VPS13D: variants seen among roughly 807,000 people sequenced by gnomAD.
VPS13D encodes intermembrane lipid transfer protein VPS13D.
In VPS13D, 187 loss-of-function variants were observed where a neutral mutation model predicts 461.9. That is an observed-to-expected ratio of 0.40 (90% CI 0.36 to 0.46). VPS13D has a LOEUF of 0.46. Ranked by LOEUF, VPS13D falls within the 20% of genes least tolerant of loss-of-function variation. The pLI is 0.60. For missense variants in VPS13D, 4,711 were observed against 5,364.9 expected (o/e 0.88, Z 3.81); for synonymous variants, 1,951 against 1,986.3 (o/e 0.98, Z 0.47).
At chr1:12,449,647 C>CT (rs1645236370) in intron 65 of VPS13D, among the ~76,000 whole-genome samples, 1 of 152,164 alleles carries the variant, frequency 6.6e-6, no homozygotes, top group African/African-American at 2.4e-5. Flanking sequence ...GTGGTGAAGA[C>CT]TTTCGTTTTG....
chr1:12,452,532 T>G (rs1645275839), intron 65 of VPS13D, among the ~76,000 whole-genome samples: 1 of 152,186 alleles, frequency 6.6e-6, no homozygotes, highest in African/African-American at 2.4e-5. Context: ...GAGGGAGAAA[T>G]AATGGCTGGG....
chr1:12,478,479 G>T (rs528541958), intron 67 of VPS13D: 10 of 245,396 alleles, frequency 4.1e-5, no homozygotes, highest in East Asian at 9.2e-5. Flanking sequence ...CTCGAGTCTT[G>T]TACTGCCGCC....
intron 2 of VPS13D, among the ~76,000 whole-genome samples, chr1:12,240,582 C>G (rs867326539): frequency 9.1e-6 from 1 of 109,484 alleles, no homozygotes; most frequent in African/African-American, 3.8e-5. Flanking sequence ...GCGACAAAAG[C>G]GAGATTCCAT....
At position 12,338,253 on chromosome 1, in the gene VPS13D, A is replaced by G. The variant is rs756852216; in HGVS notation, c.8574A>G (p.Arg2858=). 6.2e-6 allele frequency: 10 copies of G among 1,613,708 alleles called. No individual in the cohort carries two copies. In the South Asian group the frequency reaches 1.1e-4, roughly 18 times the overall value. Residue 2858 remains arginine, a synonymous_variant, in exon 40 of 70, where the codon AGA becomes AGG. Transcript: ENST00000620676. ...FGQSLPLVYL[R]TRSTASLTNL... is the part of the protein sequence containing the mutation. ...CAGGCCTCCCCCTTGTCTACCTTAGAACTAGGAGTACAGCCAGTCTGACTA... is the reference window on the plus strand; with the variant it reads ...CAGGCCTCCCCCTTGTCTACCTTAGGACTAGGAGTACAGCCAGTCTGACTA...
At chr1:12,454,351 C>T (rs560426374) in intron 65 of VPS13D, among the ~76,000 whole-genome samples, 4 of 152,318 alleles carry the variant, frequency 2.6e-5, no homozygotes, top group South Asian at 2.1e-4. Context: ...AGCTTTGCAG[C>T]GTCGTGTGGT....
At chr1:12,370,757 C>G (rs952499601) in intron 54 of VPS13D, among the ~76,000 whole-genome samples, 1 of 152,126 alleles carries the variant, frequency 6.6e-6, no homozygotes, top group Non-Finnish European at 1.5e-5. Flanking sequence ...CCTGAAAAAC[C>G]GAATCTAAAT....
At chr1:12,456,167 G>T in intron 66 of VPS13D, 37 bp downstream of exon 66, 2 of 1,575,456 alleles carry the variant, frequency 1.3e-6, no homozygotes, top group Non-Finnish European at 1.7e-6. Context: ...GCTGCTGCTG[G>T]TCCTCAGAGG....
intron 24 of VPS13D, among the ~76,000 whole-genome samples, chr1:12,298,742 C>G (rs937664796): frequency 2.6e-5 from 4 of 151,806 alleles, no homozygotes; most frequent in Non-Finnish European, 4.4e-5. Flanking sequence ...ATATCATTGA[C>G]TTATGCTTTT....
intron 65 of VPS13D, among the ~76,000 whole-genome samples, chr1:12,427,242 T>TA (rs1315871174): frequency 6.2e-5 from 8 of 128,768 alleles, no homozygotes; most frequent in Non-Finnish European, 1.3e-4. Flanking sequence ...TTGTCATTAT[T>TA]TTATTATTAT....
chr1:12,474,664 G>C (rs1259833373), intron 67 of VPS13D, among the ~76,000 whole-genome samples: 1 of 152,134 alleles, frequency 6.6e-6, no homozygotes, highest in Non-Finnish European at 1.5e-5. Context: ...AATGCCTTGA[G>C]CCTTTGAAAA....
intron 2 of VPS13D, among the ~76,000 whole-genome samples, chr1:12,241,284 A>G (rs1232157665): frequency 2.6e-5 from 4 of 152,198 alleles, no homozygotes; most frequent in Non-Finnish European, 5.9e-5. Flanking sequence ...AGTCCTGAAC[A>G]ATCATTTAAA....
chr1:12,378,306 A>G, intron 55 of VPS13D, 122 bp from the exon 56 acceptor site: 2 of 853,462 alleles, frequency 2.3e-6, no homozygotes, highest in Non-Finnish European at 3.3e-6. Flanking sequence ...TAATGTGGAA[A>G]ACGTCTAAAT....
intron 54 of VPS13D, among the ~76,000 whole-genome samples, chr1:12,372,936 G>A (rs1428874977): frequency 5.3e-5 from 8 of 151,114 alleles, no homozygotes; most frequent in Non-Finnish European, 1.2e-4. Flanking sequence ...TCAGAGAAAC[G>A]TAACACGATT....
At position 12,400,317 on chromosome 1, in the gene VPS13D, C is replaced by T. The variant is rs750748117; in HGVS notation, c.11771C>T (p.Thr3924Ile). The T allele has an allele frequency of 1.2e-6, 2 of 1,614,106 alleles. No homozygotes were observed. The highest frequency in any genetic ancestry group is 1.1e-5 in the South Asian group (1 of 91,062). Residue 3924 changes from threonine to isoleucine, a missense_variant, in exon 61 of 70, where the codon ACC becomes ATC. Thr to Ile is a moderately conservative substitution (Grantham distance 89). Around this residue, in one of 3 missense-constraint regions of VPS13D, gnomAD observed 4,411 missense variants for 4,937.8 expected, o/e 0.89. Coordinates refer to ENST00000620676, the MANE Select transcript of VPS13D (RefSeq NM_015378.4). ...AVKFPSKSAL[T>I]NIYKHLMITA... ...AAGTTCCCCAGTAAGAGTGCACTGA[C>T]CAACATCTACAAGGTGGGCTGGTGG...
intron 65 of VPS13D, among the ~76,000 whole-genome samples, chr1:12,439,700 G>T (rs542718540): frequency 2.0e-5 from 3 of 152,174 alleles, no homozygotes; most frequent in Non-Finnish European, 4.4e-5. Context: ...TTAGAACAGT[G>T]CCTGGCAAAT....
intron 65 of VPS13D, among the ~76,000 whole-genome samples, chr1:12,450,119 C>G (rs1645243007): frequency 6.6e-6 from 1 of 151,478 alleles, no homozygotes; most frequent in African/African-American, 2.4e-5. Flanking sequence ...TGAGACTCAG[C>G]CAGCAAAAAA....
intron 36 of VPS13D, among the ~76,000 whole-genome samples, chr1:12,329,148 A>G (rs1411897006): frequency 1.3e-5 from 2 of 152,222 alleles, no homozygotes; most frequent in African/African-American, 4.8e-5. Flanking sequence ...AATATTTATC[A>G]GAACATGACT....
At chr1:12,427,276 T>TTAA (rs1644935677) in intron 65 of VPS13D, among the ~76,000 whole-genome samples, 1 of 147,280 alleles carries the variant, frequency 6.8e-6, no homozygotes, top group Non-Finnish European at 1.5e-5. Flanking sequence ...ATTATTATTA[T>TTAA]TATTACTCCT....
At chr1:12,391,367 C>T in intron 60 of VPS13D, among the ~76,000 whole-genome samples, 1 of 152,168 alleles carries the variant, frequency 6.6e-6, no homozygotes, top group East Asian at 1.9e-4. Context: ...GGGAATTCCC[C>T]ATGAAGCCAT....
Sources: allele counts gnomAD v4.1 joint callset (sites outside exome capture counted in the v4.1 genomes callset), GRCh38; gene constraint gnomAD v4.1.1; regional missense constraint gnomAD v4.1.1; transcripts MANE v1.5; gene names NCBI Gene and HGNC (gene_info 2026-07-23, HGNC 2026-07-21).